VPS9D1: variants seen among roughly 807,000 people sequenced by gnomAD.
VPS9D1 encodes the protein VPS9 domain-containing protein 1.
VPS9D1 carries 78 observed loss-of-function variants against 75.8 expected under a neutral mutation model. That is an observed-to-expected ratio of 1.03 (90% CI 0.86 to 1.24). VPS9D1 has a LOEUF of 1.24. Ranked by LOEUF, VPS9D1 falls within the 50% of genes most tolerant of loss-of-function variation. The pLI, the probability that VPS9D1 is intolerant of heterozygous loss-of-function variation, is 0.00. For synonymous variants in VPS9D1, 481 were observed against 385.6 expected, an observed-to-expected ratio of 1.25 and a Z score of -2.90; for missense variants, 1,057 against 847.7, an observed-to-expected ratio of 1.25 and a Z score of -3.07.
At chr16:89,714,645 C>T (rs2061019565) in intron 4 of VPS9D1, among the ~76,000 whole-genome samples, 1 of 152,270 alleles carries the variant, frequency 6.6e-6, no homozygotes. Context: ...TTGGGAGTCA[C>T]TGGGCTTTTT....
At chr16:89,718,954 A>G (rs2061162204) in intron 2 of VPS9D1, 73 bp downstream of exon 2, 1 of 1,340,762 alleles carries the variant, frequency 7.5e-7, no homozygotes, top group African/African-American at 1.4e-5. Flanking sequence ...ACCTCAGGTG[A>G]TAGCCCGCCT....
Position 89,712,046 on chromosome 16 carries a change from C to A in VPS9D1, c.659+1G>T. 1 of 1,548,990 alleles carries A rather than the reference C, an allele frequency of 6.5e-7. No homozygotes were observed. Among genetic ancestry groups the A allele is most frequent in the Non-Finnish European group, 8.7e-7 (1 of 1,146,750 alleles). ...GCCCCAGGGGCGGGCAGGAGTCCCACCTGTTGGCGGCCTCCTGGAGCCGCA... is the reference window on the plus strand; with the variant it reads ...GCCCCAGGGGCGGGCAGGAGTCCCAACTGTTGGCGGCCTCCTGGAGCCGCA... On this transcript the variant is annotated splice_donor_variant, in intron 7 of 14. Transcript: ENST00000389386. LOFTEE classifies it high-confidence loss of function.
rs760370056 is a variant in VPS9D1, at chr16:89,716,833, G to A, written c.176-11C>T. 20 of 1,583,482 alleles carry A rather than the reference G, an allele frequency of 1.3e-5. No homozygotes were observed. The South Asian group carries it at 2.1e-4, about 16-fold the overall frequency. ...CAGTTTCCCCAGCTTCTGGGGGAGG[G>A]ACAAGAAGGCTGGTCACAGTCGGCT... is the stretch of plus-strand genomic sequence containing the variant. On this transcript the variant is annotated splice_polypyrimidine_tract_variant and intron_variant, in intron 2 of 14. Coordinates refer to ENST00000389386, the MANE Select transcript of VPS9D1 (RefSeq NM_004913.3).
rs900242596 is a variant in VPS9D1 at position 89,713,506 on chromosome 16, G to A, written c.432-790C>T. 1.3e-4 allele frequency among the ~76,000 whole-genome samples: 19 copies of A among 151,622 alleles called. 1 individual carries two copies. Among genetic ancestry groups the A allele is most frequent in the Middle Eastern group, 3.2e-3 (1 of 316 alleles). Reference sequence around the variant, plus strand: ...CCTGACCTCGTGATCCACCCGCCTCGGCCTCCCAAAGTACTGGGATTACAG... The same window carrying A: ...CCTGACCTCGTGATCCACCCGCCTCAGCCTCCCAAAGTACTGGGATTACAG... On this transcript the variant is annotated intron_variant, in intron 4 of 14. Transcript: ENST00000389386.
chr16:89,719,182 G>T, intron 1 of VPS9D1, 80 bp from the exon 2 acceptor site: 2 of 1,303,350 alleles, frequency 1.5e-6, no homozygotes, highest in Non-Finnish European at 1.1e-6. Flanking sequence ...TGCCCTTGTG[G>T]GATAAGCAAG....
intron 1 of VPS9D1, chr16:89,720,464 G>C: frequency 9.2e-7 from 1 of 1,085,882 alleles, no homozygotes; most frequent in Admixed American, 5.3e-5. Context: ...TCGGATTTTG[G>C]AAGGTGGCCT....
intron 1 of VPS9D1, among the ~76,000 whole-genome samples, chr16:89,719,792 C>A (rs534226664): frequency 1.3e-5 from 2 of 152,160 alleles, no homozygotes; most frequent in African/African-American, 4.8e-5. Flanking sequence ...GATCTCGAGT[C>A]ACTGCAACCT....
At chr16:89,709,469 A>AG in intron 11 of VPS9D1, 34 bp from the exon 12 acceptor site, 1 of 1,492,424 alleles carries the variant, frequency 6.7e-7, no homozygotes, top group African/African-American at 1.4e-5. Context: ...AAGCTGCCCC[A>AG]GGGACCTTGC....
Position 89,712,509 on chromosome 16 carries a change from T to A in VPS9D1, c.557A>T (p.Gln186Leu). ...CACTAGGTTCTCCATCATCTGCCGC[T>A]GTAGAGAGAGGGTCTGGGGGGGGAG... ...MQKTSLTLSLQRQMMENLVIA... is the reference protein window; with the variant it reads ...MQKTSLTLSLLRQMMENLVIA... Residue 186 changes from glutamine to leucine, a missense_variant, in exon 6 of 15, where the codon CAG becomes CTG. Coordinates refer to ENST00000389386, the MANE Select transcript of VPS9D1 (RefSeq NM_004913.3). 1 of 1,612,904 alleles carries A rather than the reference T, an allele frequency of 6.2e-7. No homozygotes were observed. Among genetic ancestry groups the A allele is most frequent in the Non-Finnish European group, 8.5e-7 (1 of 1,179,892 alleles).
At chr16:89,709,202 C>T (rs781100974) in intron 12 of VPS9D1, 25 bp downstream of exon 12, 4 of 1,611,414 alleles carry the variant, frequency 2.5e-6, no homozygotes, top group Admixed American at 3.3e-5. Context: ...GCCTGTCCCT[C>T]CCCCTGACTC....
Position 89,711,922 on chromosome 16 carries a change from C to A in VPS9D1, c.707G>T (p.Arg236Leu), listed in dbSNP as rs1219985198. The A allele has an allele frequency of 7.1e-6, 11 of 1,551,458 alleles. No homozygotes were observed. Among genetic ancestry groups the A allele is most frequent in the Admixed American group, 2.0e-5 (1 of 51,094 alleles). ...VALTPEEREQ[R>L]ALYAAILEYE... ...CTCCAGGATGGCGGCGTAAAGGGCC[C>A]GCTGCTCCCGTTCCTCCGGGGTCAG... Residue 236 changes from arginine to leucine, a missense_variant, in exon 8 of 15, where the codon CGG (arginine) becomes CTG (leucine). Physicochemically the swap from Arg to Leu is moderately radical, Grantham distance 102. Coordinates refer to ENST00000389386, the MANE Select transcript of VPS9D1 (RefSeq NM_004913.3).
chr16:89,720,525 G>A, intron 1 of VPS9D1: 1 of 1,157,370 alleles, frequency 8.6e-7, no homozygotes, highest in Non-Finnish European at 1.1e-6. Flanking sequence ...AGGCTGTGAT[G>A]CACCGGCTCA....
At chr16:89,720,320 C>T in intron 1 of VPS9D1, 1 of 831,548 alleles carries the variant, frequency 1.2e-6, no homozygotes, top group South Asian at 5.5e-5. Context: ...GCTTTTCCTT[C>T]CTAAGACGAC....
rs200105339 is a variant in VPS9D1 at position 89,709,861 on chromosome 16, G to C, written c.1304C>G (p.Thr435Arg). Residue 435 changes from threonine to arginine, a missense_variant, in exon 11 of 15, where the codon ACA becomes AGA. Physicochemically the swap from Thr to Arg is moderately conservative, Grantham distance 71 (BLOSUM62 -1). Transcript: ENST00000389386. Reference protein sequence around the residue: ...LTLLAFEGLNTAASKDRCLAC... With the variant: ...LTLLAFEGLNRAASKDRCLAC... ...CAGGCAGCGGTCCTTGGAGGCAGCT[G>C]TGTTTAGGCCTTCGAAGGCCAGAAG... 2.2e-4 allele frequency: 361 copies of C among 1,613,570 alleles called. No homozygotes were observed. The highest frequency in any genetic ancestry group is 3.0e-4 in the Non-Finnish European group (349 of 1,179,848).
chr16:89,711,687 C>T (rs985992662), intron 8 of VPS9D1, 195 bp downstream of exon 8: 2 of 745,514 alleles, frequency 2.7e-6, no homozygotes, highest in Non-Finnish European at 4.2e-6. Context: ...CTGACCTCGC[C>T]TCCTCGCTCT....
In VPS9D1 at chr16:89,709,444, G is replaced by A. The variant is rs2060866268; in HGVS notation, c.1389-9C>T. 6.6e-7 allele frequency: 1 copy of A among 1,504,354 alleles called. No individual in the cohort carries two copies. The highest frequency in any genetic ancestry group is 2.3e-5 in the East Asian group (1 of 43,894). The allele number at this position is 1,504,354 out of a possible 1,614,324, so 93.2% of individuals were successfully genotyped here. A position where few individuals can be genotyped will look rare whatever the true frequency, so the allele number is the denominator to read the frequency against. On this transcript the variant is annotated splice_polypyrimidine_tract_variant and intron_variant, in intron 11 of 14. Transcript: ENST00000389386. ...GGGCTCGGTGCACGCTCCTGGGGCA[G>A]AGAGAGGCCAGGCTAAGCTGCCCCA...
chr16:89,711,160 G>A (rs1235745998), intron 9 of VPS9D1, 150 bp from the exon 10 acceptor site: 10 of 1,170,576 alleles, frequency 8.5e-6, no homozygotes, highest in Non-Finnish European at 1.2e-5. Context: ...CCGCTGGGGA[G>A]GTTGGAGAAG....
At chr16:89,720,633 G>A (rs1171005858) in intron 1 of VPS9D1, 130 bp downstream of exon 1, 3 of 1,223,906 alleles carry the variant, frequency 2.5e-6, no homozygotes, top group Non-Finnish European at 2.0e-6. Flanking sequence ...CGGGAACCGC[G>A]GCCCGGGATC....
chr16:89,719,581 G>A (rs570700775), intron 1 of VPS9D1, among the ~76,000 whole-genome samples: 1 of 152,136 alleles, frequency 6.6e-6, no homozygotes, highest in Non-Finnish European at 1.5e-5. Context: ...ATCACTTCCC[G>A]GTTTAAGTTC....
Sources: allele counts gnomAD v4.1 joint callset (sites outside exome capture counted in the v4.1 genomes callset), GRCh38; gene constraint gnomAD v4.1.1; transcripts MANE v1.5; gene names NCBI Gene and HGNC (gene_info 2026-07-23, HGNC 2026-07-21).